Variants in ADGRL3 observed in about 807,000 individuals in gnomAD.
ADGRL3 encodes calcium-independent alpha-latrotoxin receptor 3.
In ADGRL3, 62 loss-of-function variants were observed where a neutral mutation model predicts 153.5. The ratio of observed to expected loss-of-function variants is 0.40; its 90% confidence interval spans 0.33 to 0.50. The LOEUF is 0.50. Among genes scored for constraint, ADGRL3 ranks in the 20% least tolerant of loss-of-function variants. The pLI is 0.47. For synonymous variants in ADGRL3, 710 were observed against 672.5 expected (o/e 1.06, Z -0.86); for missense variants, 1,641 against 1,859.4 (o/e 0.88, Z 2.16).
At chr4:62,061,695 T>C (rs959987598) in intron 25 of ADGRL3, among the ~76,000 whole-genome samples, 1 of 152,082 alleles carries the variant, frequency 6.6e-6, no homozygotes, top group Non-Finnish European at 1.5e-5. Context: ...ATTACACGTA[T>C]AAATGGAATT....
At chr4:61,931,656 G>A (rs1234955165) in intron 13 of ADGRL3, among the ~76,000 whole-genome samples, 2 of 152,082 alleles carry the variant, frequency 1.3e-5, no homozygotes, top group African/African-American at 4.8e-5. Context: ...GAACAGGTGC[G>A]TTTTTGAGCA....
At chr4:61,402,695 A>T (rs946491877) in intron 2 of ADGRL3, among the ~76,000 whole-genome samples, 2 of 152,074 alleles carry the variant, frequency 1.3e-5, no homozygotes, top group Non-Finnish European at 2.9e-5. Flanking sequence ...CAGCTAGAGA[A>T]GTCACCCTTC....
At chr4:61,972,041 T>A (rs1467157420) in intron 17 of ADGRL3, among the ~76,000 whole-genome samples, 1 of 152,012 alleles carries the variant, frequency 6.6e-6, no homozygotes. Flanking sequence ...GAGTTCATTG[T>A]AGATTCTGGA....
chr4:61,459,534 GAT>G (rs1487529113), intron 2 of ADGRL3, among the ~76,000 whole-genome samples: 3 of 151,856 alleles, frequency 2.0e-5, no homozygotes. Flanking sequence ...AGGTATCTTC[GAT>G]ATATTATTAA....
At chr4:61,500,508 G>A (rs1450587566) in intron 3 of ADGRL3, among the ~76,000 whole-genome samples, 1 of 152,130 alleles carries the variant, frequency 6.6e-6, no homozygotes, top group African/African-American at 2.4e-5. Flanking sequence ...AGAGAATACT[G>A]CATAACTTGA....
intron 6 of ADGRL3, among the ~76,000 whole-genome samples, chr4:61,708,069 T>C (rs902616923): frequency 6.6e-6 from 1 of 152,176 alleles, no homozygotes; most frequent in African/African-American, 2.4e-5. Context: ...AGATTCAAGT[T>C]TTGTGGGTCA....
At chr4:62,028,815 A>G (rs1239869242) in intron 21 of ADGRL3, 40 bp from the exon 22 acceptor site, 2 of 1,557,132 alleles carry the variant, frequency 1.3e-6, no homozygotes, top group Admixed American at 1.8e-5. Flanking sequence ...ATAAAATGCT[A>G]ATGTTGGTGT....
rs116725751 is a variant in ADGRL3 at position 61,215,875 on chromosome 4, G to A, written c.-240+14110G>A. On this transcript the variant is annotated intron_variant, in intron 1 of 26. Transcript: ENST00000683033. ...CCTGGAATTTCTTAGTCTTGCCCTT[G>A]AGAGTTCTCATTTCTGATTTCAGGA... 6.5e-3 allele frequency among the ~76,000 whole-genome samples: 986 copies of A among 152,090 alleles called. 2 individuals carry two copies. Among genetic ancestry groups the A allele is most frequent in the Non-Finnish European group, 9.4e-3 (639 of 67,988 alleles).
At chr4:61,537,463 T>A (rs1216138747) in intron 4 of ADGRL3, among the ~76,000 whole-genome samples, 1 of 152,176 alleles carries the variant, frequency 6.6e-6, no homozygotes, top group African/African-American at 2.4e-5. Context: ...TTTCCTCAAA[T>A]ATGTTTTCCA....
At chr4:61,728,544 G>C (rs994022262) in intron 6 of ADGRL3, among the ~76,000 whole-genome samples, 6 of 152,002 alleles carry the variant, frequency 3.9e-5, no homozygotes, top group Non-Finnish European at 5.9e-5. Flanking sequence ...AACTCACAAA[G>C]AAGTTAAGAT....
At chr4:61,739,319 TG>T (rs5858725) in intron 8 of ADGRL3, among the ~76,000 whole-genome samples, 4,865 of 151,052 alleles carry the variant, frequency 0.032, 238 homozygotes, top group African/African-American at 0.11. Flanking sequence ...TTTTTTTTTT[TG>T]ATTGGAGACA....
chr4:61,305,796 G>A (rs937208684), intron 1 of ADGRL3, among the ~76,000 whole-genome samples: 9 of 152,104 alleles, frequency 5.9e-5, no homozygotes, highest in African/African-American at 2.2e-4. Flanking sequence ...TGAAAGCCAG[G>A]AAACCGTAGA....
At chr4:61,603,503 C>G (rs2099020230) in intron 5 of ADGRL3, among the ~76,000 whole-genome samples, 1 of 152,118 alleles carries the variant, frequency 6.6e-6, no homozygotes, top group African/African-American at 2.4e-5. Context: ...TAAAAGGCCA[C>G]AAAGTGAAAA....
intron 1 of ADGRL3, among the ~76,000 whole-genome samples, chr4:61,225,676 T>C (rs188420258): frequency 3.3e-5 from 5 of 152,344 alleles, no homozygotes; most frequent in Non-Finnish European, 7.3e-5. Flanking sequence ...ATCAGTTGAA[T>C]AGGCATCTCT....
At chr4:61,547,793 T>C (rs1308158014) in intron 4 of ADGRL3, among the ~76,000 whole-genome samples, 1 of 152,046 alleles carries the variant, frequency 6.6e-6, no homozygotes, top group African/African-American at 2.4e-5. Context: ...GTGGGTCAAA[T>C]GATATTTCTT....
chr4:61,537,423 TG>T (rs2098663709), intron 4 of ADGRL3, among the ~76,000 whole-genome samples: 1 of 152,164 alleles, frequency 6.6e-6, no homozygotes, highest in Non-Finnish European at 1.5e-5. Flanking sequence ...TTTACCTCTC[TG>T]GCAAGATTAC....
At chr4:61,499,974 TCACACACACACAGA>T (rs2098366056) in intron 3 of ADGRL3, among the ~76,000 whole-genome samples, 1 of 109,186 alleles carries the variant, frequency 9.2e-6, no homozygotes, top group Non-Finnish European at 1.9e-5. Context: ...TGCATTGAAA[TCACACACACACAGA>T]CACACACACA....
intron 2 of ADGRL3, among the ~76,000 whole-genome samples, chr4:61,450,546 AGT>A (rs2097661098): frequency 6.6e-6 from 1 of 152,090 alleles, no homozygotes; most frequent in African/African-American, 2.4e-5. Flanking sequence ...ATATTGATAT[AGT>A]TTGCTTTAAG....
intron 9 of ADGRL3, among the ~76,000 whole-genome samples, chr4:61,845,546 G>A (rs1189933086): frequency 2.0e-5 from 2 of 99,338 alleles, no homozygotes; most frequent in South Asian, 6.1e-4. Flanking sequence ...TTTTTTTTTT[G>A]CAGAGACAGC....
Sources: allele counts gnomAD v4.1 joint callset (sites outside exome capture counted in the v4.1 genomes callset), GRCh38; gene constraint gnomAD v4.1.1; transcripts MANE v1.5; gene names NCBI Gene and HGNC (gene_info 2026-07-23, HGNC 2026-07-21).